The following SARS2 variants were observed in gnomAD, a reference collection of about 807,000 sequenced individuals.
The protein encoded by SARS2 is seryl-tRNA synthetase 2, mitochondrial, also known as serine--tRNA ligase, mitochondrial.
Under a neutral mutation model 66.8 loss-of-function variants are expected in SARS2, and 52 were observed. The ratio of observed to expected loss-of-function variants is 0.78; its 90% CI spans 0.62 to 0.98. The LOEUF is 0.98. SARS2 is among the 50% of genes least tolerant of loss of function. SARS2 has a pLI of 0.00. For synonymous variants in SARS2, 306 were observed against 281.4 expected, an observed-to-expected ratio of 1.09 and a Z score of -0.87; for missense variants, 673 against 706.3, an observed-to-expected ratio of 0.95 and a Z score of 0.53.
intron 7 of SARS2, among the ~76,000 whole-genome samples, chr19:38,919,097 T>C (rs1974472409): frequency 6.6e-6 from 1 of 151,454 alleles, no homozygotes; most frequent in African/African-American, 2.4e-5. Context: ...CACTCCAGTC[T>C]GGGTGACAGA....
chr19:38,920,792 G>C (rs1438202725), intron 5 of SARS2, among the ~76,000 whole-genome samples: 1 of 149,574 alleles, frequency 6.7e-6, no homozygotes, highest in Non-Finnish European at 1.5e-5. Context: ...GAGATATGCA[G>C]ATACACACAC....
In SARS2 at chr19:38,917,759, C is replaced by A; in HGVS notation, c.1125G>T (p.Gln375His). Residue 375 changes from glutamine (Q) to histidine (H), a missense_variant, in exon 12 of 16, where the codon CAG becomes CAT. By Grantham distance (24) the Gln-to-His change is conservative. Transcript: ENST00000221431. ...SQLLEEFLSL[Q>H]MEILTELGLH... ...AGCCCAGCTCTGTCAAGATCTCCAT[C>A]TGAAGGGACAGGAACTCCTCCAGCA... The A allele has an allele frequency of 6.3e-7, 1 of 1,582,724 alleles. No individual in the cohort carries two copies. The highest frequency in any genetic ancestry group is 8.6e-7 in the Non-Finnish European group (1 of 1,160,310).
At chr19:38,916,195 C>T (rs748875429) in intron 13 of SARS2, 26 bp downstream of exon 13, 1 of 1,613,698 alleles carries the variant, frequency 6.2e-7, no homozygotes, top group Non-Finnish European at 8.5e-7. Context: ...TCCTGCCCAC[C>T]CCGTCCCCAG....
chr19:38,927,405 C>T (rs1044457131), intron 1 of SARS2, among the ~76,000 whole-genome samples: 5 of 151,490 alleles, frequency 3.3e-5, no homozygotes, highest in Non-Finnish European at 7.4e-5. Flanking sequence ...CCTGTCTCTA[C>T]AAAAATTAGC....
chr19:38,928,424 C>G (rs868052495), intron 1 of SARS2: 1 of 68,158 alleles, frequency 1.5e-5, no homozygotes, highest in South Asian at 5.7e-4. Context: ...GGCCCCCCCC[C>G]CCGCAAAAAA....
At chr19:38,921,488 TG>T in intron 4 of SARS2, 38 bp downstream of exon 4, 4 of 1,614,092 alleles carry the variant, frequency 2.5e-6, no homozygotes, top group Non-Finnish European at 3.4e-6. Context: ...TGGCACTAGG[TG>T]GGCCCCTGGC....
Position 38,915,744 on chromosome 19 carries a change from G to A in SARS2, c.1419C>T (p.Gly473=), listed in dbSNP as rs377223303. ...ALLESNQQKD[G]SVLVPPALQS... is the part of the protein sequence containing the mutation. ...GGAGGGCAGGGGGCACGAGCACTGA[G>A]CCGTCCTGGGGACAGAGCAGACCTC... The change falls in exon 16 of 16, where the codon GGC becomes GGT. Residue 473 remains glycine, a synonymous_variant. Coordinates refer to ENST00000221431, the MANE Select transcript of SARS2 (RefSeq NM_017827.4). 6.2e-7 allele frequency: 1 copy of A among 1,613,264 alleles called. No individual in the cohort carries two copies. Among genetic ancestry groups the A allele is most frequent in the Non-Finnish European group, 8.5e-7 (1 of 1,179,864 alleles).
chr19:38,920,742 TACACAG>T (rs1036689416), intron 5 of SARS2, among the ~76,000 whole-genome samples: 9 of 132,008 alleles, frequency 6.8e-5, no homozygotes, highest in Admixed American at 5.3e-4. Context: ...AAGACACAGA[TACACAG>T]ACACAGATAC....
chr19:38,918,933 G>C, intron 7 of SARS2, 120 bp from the exon 8 acceptor site: 1 of 964,098 alleles, frequency 1.0e-6, no homozygotes, highest in Non-Finnish European at 1.6e-6. Flanking sequence ...GCAGGGGCTG[G>C]CGCAGTGGCT....
intron 8 of SARS2, 111 bp downstream of exon 8, chr19:38,918,655 T>C (rs1974464211): frequency 4.2e-6 from 6 of 1,418,580 alleles, no homozygotes; most frequent in East Asian, 2.5e-5. Context: ...TGGTATGGCC[T>C]GGCCCCCTCA....
intron 5 of SARS2, 74 bp from the exon 6 acceptor site, chr19:38,920,223 G>C: frequency 8.3e-7 from 1 of 1,200,724 alleles, no homozygotes; most frequent in Non-Finnish European, 1.2e-6. Context: ...AGCTTCCAGA[G>C]ACAGCAGAGA....
At chr19:38,925,370 G>A (rs978041126) in intron 2 of SARS2, among the ~76,000 whole-genome samples, 17 of 152,222 alleles carry the variant, frequency 1.1e-4, no homozygotes, top group East Asian at 3.9e-4. Context: ...GAACTCTGAC[G>A]CAGTTCACCC....
At chr19:38,921,785 C>A in intron 3 of SARS2, 118 bp from the exon 4 acceptor site, 1 of 1,457,728 alleles carries the variant, frequency 6.9e-7, no homozygotes, top group East Asian at 2.4e-5. Context: ...TTCTCCAGGC[C>A]CAGGATCCTG....
chr19:38,922,334 G>C (rs761031564), intron 2 of SARS2, 67 bp from the exon 3 acceptor site: 48 of 1,512,104 alleles, frequency 3.2e-5, no homozygotes, highest in Non-Finnish European at 4.3e-5. Flanking sequence ...AGAAAAAATG[G>C]TGAAAGGTCA....
At chr19:38,916,436 C>A in intron 12 of SARS2, 122 bp from the exon 13 acceptor site, 1 of 811,362 alleles carries the variant, frequency 1.2e-6, no homozygotes. Flanking sequence ...AGTTTGAGAC[C>A]AGCCTGGGCA....
intron 2 of SARS2, among the ~76,000 whole-genome samples, chr19:38,923,219 CTTTTTTT>C (rs1165441029): frequency 1.3e-5 from 1 of 75,762 alleles, no homozygotes; most frequent in Non-Finnish European, 2.4e-5. Context: ...CTCAGGTTTT[CTTTTTTT>C]TTTTTTTTTT....
chr19:38,918,359 G>T, intron 9 of SARS2, 63 bp downstream of exon 9: 1 of 1,471,474 alleles, frequency 6.8e-7, no homozygotes, highest in South Asian at 1.1e-5. Context: ...GTGCTCCCTG[G>T]ACGCTCCCAG....
rs1974459620 is a variant in SARS2, at chr19:38,918,473, C to T, written c.865G>A (p.Ala289Thr). 1 of 1,614,108 alleles carries T rather than the reference C, an allele frequency of 6.2e-7. No individual in the cohort carries two copies. Residue 289 changes from alanine to threonine, a missense_variant, in exon 9 of 16, where the codon GCC (alanine) becomes ACC (threonine). Transcript: ENST00000221431. ...GCCAGGTTGAGATCTTTGAAGCGGG[C>T]AGGGTCGATGTTGTAAATTTGGGAT... ...NPSQIYNIDPARFKDLNLAGT... is the reference protein window; with the variant it reads ...NPSQIYNIDPTRFKDLNLAGT...
chr19:38,925,143 A>G (rs946703012), intron 2 of SARS2, among the ~76,000 whole-genome samples: 2 of 152,056 alleles, frequency 1.3e-5, no homozygotes, highest in Admixed American at 1.3e-4. Flanking sequence ...GTGAAACCCT[A>G]TCTCTACTAA....
Sources: allele counts gnomAD v4.1 joint callset (sites outside exome capture counted in the v4.1 genomes callset), GRCh38; gene constraint gnomAD v4.1.1; transcripts MANE v1.5; gene names NCBI Gene and HGNC (gene_info 2026-07-23, HGNC 2026-07-21).